Variants in SNX9 observed in about 807,000 individuals in gnomAD.
SNX9 encodes sorting nexin-9.
SNX9 carries 44 observed loss-of-function variants against 89.4 expected under a neutral mutation model. That is an observed-to-expected ratio of 0.49 (90% CI 0.39 to 0.63). SNX9 has a LOEUF of 0.63. Among genes scored for constraint, SNX9 ranks in the 30% least tolerant of loss-of-function variants. SNX9 has a pLI of 0.00. For synonymous variants in SNX9, 236 were observed against 247.8 expected, an observed-to-expected ratio of 0.95 and a Z score of 0.45; for missense variants, 578 against 736.1, an observed-to-expected ratio of 0.79 and a Z score of 2.49.
intron 1 of SNX9, among the ~76,000 whole-genome samples, chr6:157,866,149 G>A (rs963018987): frequency 6.6e-6 from 1 of 152,060 alleles, no homozygotes; most frequent in Non-Finnish European, 1.5e-5. Context: ...TCTCTCTTGG[G>A]ATACATGCAC....
At chr6:157,919,908 A>C (rs1783549251) in intron 9 of SNX9, among the ~76,000 whole-genome samples, 1 of 151,470 alleles carries the variant, frequency 6.6e-6, no homozygotes, top group Non-Finnish European at 1.5e-5. Flanking sequence ...TAACTTGCCT[A>C]AGATTAAATC....
intron 1 of SNX9, among the ~76,000 whole-genome samples, chr6:157,866,780 G>A (rs959564972): frequency 1.3e-5 from 2 of 152,042 alleles, no homozygotes; most frequent in Non-Finnish European, 2.9e-5. Context: ...AATAGCAAGC[G>A]ATTCTTCTAA....
In SNX9 at chr6:157,896,907, C is replaced by A; in HGVS notation, c.381C>A (p.Ala127=). Residue 127 remains alanine, a synonymous_variant, in exon 5 of 18, where the codon GCC becomes GCA. Coordinates refer to ENST00000392185, the MANE Select transcript of SNX9 (RefSeq NM_016224.5). ...GNWESSEGWG[A]QPEGAGAQRN... Reference sequence around the variant, plus strand: ...GGGAAAGCTCAGAAGGCTGGGGGGCCCAGCCAGAGGGGGCTGGAGCCCAAA... The same window carrying A: ...GGGAAAGCTCAGAAGGCTGGGGGGCACAGCCAGAGGGGGCTGGAGCCCAAA... 6.2e-7 allele frequency: 1 copy of A among 1,613,398 alleles called. No homozygotes were observed. Among genetic ancestry groups the A allele is most frequent in the Non-Finnish European group, 8.5e-7 (1 of 1,179,768 alleles).
chr6:157,835,169 C>T (rs565306657), intron 1 of SNX9, among the ~76,000 whole-genome samples: 238 of 152,184 alleles, frequency 1.6e-3, no homozygotes, highest in African/African-American at 5.5e-3. Flanking sequence ...TGTGCCACCA[C>T]GCTCAGCTAA....
chr6:157,906,094 C>G (rs903591527), intron 6 of SNX9, 34 bp from the exon 7 acceptor site: 1 of 1,571,674 alleles, frequency 6.4e-7, no homozygotes, highest in Non-Finnish European at 8.7e-7. Context: ...CAAGGAAAGT[C>G]TTAAGACTGA....
chr6:157,853,714 C>G (rs1781955180), intron 1 of SNX9, among the ~76,000 whole-genome samples: 1 of 151,980 alleles, frequency 6.6e-6, no homozygotes, highest in African/African-American at 2.4e-5. Flanking sequence ...TAGGCTAGTT[C>G]CAGAACCTTT....
At chr6:157,931,295 A>G (rs1783806756) in intron 12 of SNX9, among the ~76,000 whole-genome samples, 1 of 152,238 alleles carries the variant, frequency 6.6e-6, no homozygotes, top group South Asian at 2.1e-4. Context: ...ATTTGGATTC[A>G]TGTTTCCTGA....
intron 1 of SNX9, among the ~76,000 whole-genome samples, chr6:157,829,865 A>G (rs1436020416): frequency 6.6e-6 from 1 of 152,100 alleles, no homozygotes; most frequent in Non-Finnish European, 1.5e-5. Flanking sequence ...GTTTACTGAT[A>G]TATTTGGATT....
chr6:157,935,107 C>T (rs1009351209), intron 13 of SNX9, among the ~76,000 whole-genome samples: 2 of 152,158 alleles, frequency 1.3e-5, no homozygotes, highest in African/African-American at 4.8e-5. Flanking sequence ...TGGATTAACT[C>T]ATTATTTTGA....
intron 6 of SNX9, among the ~76,000 whole-genome samples, chr6:157,902,533 C>A (rs991376088): frequency 6.6e-6 from 1 of 152,078 alleles, no homozygotes; most frequent in Non-Finnish European, 1.5e-5. Context: ...AGAGACGCAT[C>A]GAGTGTTCCA....
At chr6:157,940,028 C>T (rs1208986033) in intron 16 of SNX9, among the ~76,000 whole-genome samples, 1 of 152,198 alleles carries the variant, frequency 6.6e-6, no homozygotes, top group Admixed American at 6.5e-5. Flanking sequence ...AGTTGTCCCT[C>T]AGCATCCAGT....
chr6:157,895,641 C>T (rs574243197), intron 4 of SNX9, among the ~76,000 whole-genome samples: 47 of 151,810 alleles, frequency 3.1e-4, no homozygotes, highest in Middle Eastern at 3.4e-3. Flanking sequence ...AAAAAAGTAC[C>T]GAGCAAAAAT....
intron 9 of SNX9, among the ~76,000 whole-genome samples, chr6:157,915,812 TAG>T (rs1783455698): frequency 1.1e-5 from 1 of 91,752 alleles, no homozygotes; most frequent in South Asian, 3.3e-4. Context: ...GCGACAGAGT[TAG>T]ACTCTGTCAA....
rs894714608 is a variant in SNX9 at position 157,851,128 on chromosome 6, C to T, written c.13-16419C>T. Among the ~76,000 whole-genome samples, 5 of 151,794 alleles carry T rather than the reference C, an allele frequency of 3.3e-5. No individual in the cohort carries two copies. The South Asian group carries it at 6.3e-4, about 19-fold the overall frequency. On this transcript the variant is annotated intron_variant, in intron 1 of 17. Coordinates refer to ENST00000392185, the MANE Select transcript of SNX9 (RefSeq NM_016224.5). ...AAAAAATTAGTGGGGCATGGTGGCA[C>T]ATGCCTGTAATCCCAGCTGCTCAGA...
At chr6:157,863,908 C>A (rs1413911652) in intron 1 of SNX9, among the ~76,000 whole-genome samples, 1 of 152,048 alleles carries the variant, frequency 6.6e-6, no homozygotes, top group African/African-American at 2.4e-5. Flanking sequence ...TTATTAAATC[C>A]TTTTTTCTCC....
At chr6:157,873,548 T>C (rs1782458768) in intron 3 of SNX9, among the ~76,000 whole-genome samples, 1 of 147,586 alleles carries the variant, frequency 6.8e-6, no homozygotes, top group Admixed American at 6.8e-5. Context: ...TATCTGTTAA[T>C]ATATACATTT....
intron 9 of SNX9, among the ~76,000 whole-genome samples, chr6:157,917,800 A>G (rs1783504898): frequency 6.6e-6 from 1 of 152,140 alleles, no homozygotes; most frequent in African/African-American, 2.4e-5. Context: ...AAAAGTCCAT[A>G]CATATTCATT....
intron 1 of SNX9, among the ~76,000 whole-genome samples, chr6:157,834,791 A>G (rs1230712185): frequency 6.6e-6 from 1 of 152,188 alleles, no homozygotes; most frequent in African/African-American, 2.4e-5. Flanking sequence ...GGTCCATGCC[A>G]ACTGAAAAGC....
chr6:157,839,779 T>C (rs895175179), intron 1 of SNX9, among the ~76,000 whole-genome samples: 10 of 152,172 alleles, frequency 6.6e-5, no homozygotes, highest in Non-Finnish European at 8.8e-5. Flanking sequence ...GTCTCCTCTT[T>C]AGGCCTTTCC....
Sources: gnomAD v4.1 joint callset for allele counts (sites outside exome capture counted in the v4.1 genomes callset) on GRCh38, gnomAD v4.1.1 for gene constraint, MANE v1.5 for transcripts, NCBI Gene and HGNC (gene_info 2026-07-23, HGNC 2026-07-21) for gene names.